The following CAMTA2 variants were observed in gnomAD, a reference collection of about 807,000 sequenced individuals.
The protein encoded by CAMTA2 is calmodulin-binding transcription activator 2.
Under a neutral mutation model 135.7 loss-of-function variants are expected in CAMTA2, and 56 were observed. The ratio of observed to expected loss-of-function variants is 0.41; its 90% CI spans 0.33 to 0.52. The LOEUF is 0.52. CAMTA2 is among the 20% of genes least tolerant of loss of function. CAMTA2 has a pLI of 0.16. For synonymous variants in CAMTA2, 591 were observed against 604.6 expected (o/e 0.98, Z 0.33); for missense variants, 1,358 against 1,553.4 (o/e 0.87, Z 2.11).
In CAMTA2 at chr17:4,969,810, T is replaced by G; in HGVS notation, c.3189+92A>C. 6.3e-7 allele frequency: 1 copy of G among 1,589,696 alleles called. No individual in the cohort carries two copies. Among genetic ancestry groups the G allele is most frequent in the Admixed American group, 1.7e-5 (1 of 59,696 alleles). On this transcript the variant is annotated intron_variant, in intron 18 of 22. Coordinates refer to ENST00000348066, the MANE Select transcript of CAMTA2 (RefSeq NM_015099.4). The surrounding 1 kb of genome is among the most constrained non-coding windows in gnomAD (Gnocchi z 5.6). Reference sequence around the variant, plus strand: ...GACCCTTTACCCCATCCAAGGCCTGTCTGCACGACTACTCATCCTCCAAAA... The same window carrying G: ...GACCCTTTACCCCATCCAAGGCCTGGCTGCACGACTACTCATCCTCCAAAA...
At position 4,968,392 on chromosome 17, in the gene CAMTA2, G is replaced by T. The variant is rs887807618; in HGVS notation, c.*364C>A. On this transcript the variant is annotated 3_prime_UTR_variant, in exon 23 of 23. Transcript: ENST00000348066. ...AGCGAAGGCAGTGGTGGGAACCGAG[G>T]CGGATACATTCAGAGACGCGTCGAA... 2.6e-6 allele frequency: 1 copy of T among 384,716 alleles called. No individual in the cohort carries two copies. Among genetic ancestry groups the T allele is most frequent in the Non-Finnish European group, 4.8e-6 (1 of 207,216 alleles). 23.8% of individuals were successfully genotyped at this position (384,716 alleles called of 1,614,324 possible).
chr17:4,973,062 A>T, intron 14 of CAMTA2, 71 bp from the exon 15 acceptor site: 1 of 1,499,870 alleles, frequency 6.7e-7, no homozygotes, highest in South Asian at 1.1e-5. Context: ...CCAGGTAGTC[A>T]GGTCTTCAGG....
chr17:4,986,521 G>T (rs391548), intron 1 of CAMTA2: 235,824 of 523,886 alleles, frequency 0.45, 57,557 homozygotes, highest in Non-Finnish European at 0.54. Flanking sequence ...GGGTTGGGGT[G>T]GGGGAGCGGG....
rs1424223541 is a variant in CAMTA2, at chr17:4,968,418, CAAAT to C, written c.*334_*337del. On this transcript the variant is annotated 3_prime_UTR_variant, in exon 23 of 23. Coordinates refer to ENST00000348066, the MANE Select transcript of CAMTA2 (RefSeq NM_015099.4). ...CGGATACATTCAGAGACGCGTCGAA[CAAAT>C]AAATAAGGCAAGTCAGGAGGGGGCC... 10 of 448,458 alleles carry C rather than the reference CAAAT, an allele frequency of 2.2e-5. No homozygotes were observed. The highest frequency in any genetic ancestry group is 7.6e-5 in the Admixed American group (2 of 26,484). 27.8% of individuals were successfully genotyped at this position (448,458 alleles called of 1,614,324 possible). A position where few individuals can be genotyped will look rare whatever the true frequency, so the allele number is the denominator to read the frequency against.
At position 4,981,735 on chromosome 17, in the gene CAMTA2, G is replaced by C; in HGVS notation, c.508C>G (p.Arg170Gly). ...CGGGACCACTTCAGCCACTCTCGAC[G>C]GTCGCTGCTGATGGAACAAAAGATG... The part of the protein sequence containing the change: ...SPIFCSISSD[R>G]REWLKWSREE... Residue 170 changes from arginine (R) to glycine (G), a missense_variant, in exon 7 of 23, where the codon CGT becomes GGT. Coordinates refer to ENST00000348066, the MANE Select transcript of CAMTA2 (RefSeq NM_015099.4). The C allele has an allele frequency of 1.2e-6, 2 of 1,613,584 alleles. No individual in the cohort carries two copies. The highest frequency in any genetic ancestry group is 1.7e-6 in the Non-Finnish European group (2 of 1,179,732).
chr17:4,978,482 C>G (rs780547104), intron 10 of CAMTA2, 22 bp downstream of exon 10: 1 of 1,612,414 alleles, frequency 6.2e-7, no homozygotes, highest in Admixed American at 1.7e-5. Context: ...GTCCCTCCCC[C>G]TACGGTTCCC....
chr17:4,982,642 T>G (rs1597773345), intron 5 of CAMTA2, 115 bp downstream of exon 5: 1 of 1,135,196 alleles, frequency 8.8e-7, no homozygotes, highest in Admixed American at 2.4e-5. Flanking sequence ...AAGGGAAGAG[T>G]AACTGGGAGG....
rs1452947571 is a variant in CAMTA2 at position 4,968,714 on chromosome 17, G to A, written c.*42C>T. ...AGAAAGCCCTCTCCCTGTTAAGACT[G>A]CACGAGGCGCCCCCAGGGTGGTGAG... On this transcript the variant is annotated 3_prime_UTR_variant, in exon 23 of 23. Transcript: ENST00000348066. 3 of 1,612,506 alleles carry A rather than the reference G, an allele frequency of 1.9e-6. No homozygotes were observed. The highest frequency in any genetic ancestry group is 1.3e-5 in the African/African-American group (1 of 75,040).
chr17:4,978,144 T>C (rs1597753229), intron 10 of CAMTA2, among the ~76,000 whole-genome samples: 1 of 152,222 alleles, frequency 6.6e-6, no homozygotes, highest in African/African-American at 2.4e-5. Context: ...TCCCCCTGGA[T>C]TGGAGTTGGA....
chr17:4,982,996 C>T lies in CAMTA2; in HGVS notation c.183G>A (p.Leu61=). 6.2e-7 allele frequency: 1 copy of T among 1,614,200 alleles called. No individual in the cohort carries two copies. ...LITFEKHDEW[L]SCAPKTRPQN... ...CTCACCTTGTCTTTGGGGCACAAGA[C>T]AGCCACTCATCATGCTTCTCAAAGG... is the stretch of plus-strand genomic sequence containing the variant. The change falls in exon 4 of 23, where the codon CTG becomes CTA. Residue 61 remains leucine (L), a synonymous_variant. Coordinates refer to ENST00000348066, the MANE Select transcript of CAMTA2 (RefSeq NM_015099.4).
Position 4,980,671 on chromosome 17 carries a change from C to T in CAMTA2, c.701-50G>A, listed in dbSNP as rs1972908975. On this transcript the variant is annotated intron_variant, in intron 8 of 22. Transcript: ENST00000348066. The surrounding 1 kb of genome is among the most constrained non-coding windows in gnomAD (Gnocchi z 5.3). The stretch of plus-strand genomic sequence containing the variant: ...AGAGGAGATAAGACACATCATTCCG[C>T]ACCTTCTCTACCTTGAGGCCCTTAA... 8 of 1,399,700 alleles carry T rather than the reference C, an allele frequency of 5.7e-6. No homozygotes were observed. The East Asian group carries it at 1.6e-4, about 28-fold the overall frequency. The allele number at this position is 1,399,700 out of a possible 1,614,324, so 86.7% of individuals were successfully genotyped here. A position where few individuals can be genotyped will look rare whatever the true frequency, so the allele number is the denominator to read the frequency against.
In CAMTA2 at chr17:4,987,650, C is replaced by A. The variant is rs764871217; in HGVS notation, c.-122G>T. On this transcript the variant is annotated 5_prime_UTR_variant, in exon 1 of 23. Coordinates refer to ENST00000348066, the MANE Select transcript of CAMTA2 (RefSeq NM_015099.4). Reference sequence around the variant, plus strand: ...GCCATTCTACCCCACACCGACCCCCCCCAGCGCCGGCTGACAGCGGCGTCT... The same window carrying A: ...GCCATTCTACCCCACACCGACCCCCACCAGCGCCGGCTGACAGCGGCGTCT... 69 of 1,522,096 alleles carry A rather than the reference C, an allele frequency of 4.5e-5. No homozygotes were observed. The highest frequency in any genetic ancestry group is 7.3e-5 in the South Asian group (6 of 82,512). The allele number at this position is 1,522,096 out of a possible 1,614,324, so 94.3% of individuals were successfully genotyped here.
chr17:4,972,502 C>G lies in CAMTA2; in HGVS notation c.2538G>C (p.Ser846=). The G allele has an allele frequency of 1.2e-6, 2 of 1,609,840 alleles. No homozygotes were observed. The highest frequency in any genetic ancestry group is 1.7e-6 in the Non-Finnish European group (2 of 1,178,386). ...CTGACGTGACGGAAAAGGTGCCATC[C>G]GACAGCTCCGAGGGCGAGGAGACGC... is the stretch of plus-strand genomic sequence containing the variant. ...LSSVSSPSEL[S]DGTFSVTSAY... The change falls in exon 16 of 23, where the codon TCG becomes TCC. Residue 846 remains serine, a synonymous_variant. Coordinates refer to ENST00000348066, the MANE Select transcript of CAMTA2 (RefSeq NM_015099.4).
Position 4,968,151 on chromosome 17 carries a change from TACTCTGTATGTTACAGTATGTACAAG to T in CAMTA2, c.*579_*604del. The T allele has an allele frequency of 5.4e-6, 2 of 372,868 alleles. No homozygotes were observed. The highest frequency in any genetic ancestry group is 1.0e-5 in the Non-Finnish European group (2 of 200,100). 23.1% of individuals were successfully genotyped at this position (372,868 alleles called of 1,614,324 possible). A position where few individuals can be genotyped will look rare whatever the true frequency, so the allele number is the denominator to read the frequency against. ...GGCGCCTTAAATAGATTCTTCACTATACTCTGTATGTTACAGTATGTACAAGACCCCTCCCCTCGGGGGACGGGGCG... is the reference window on the plus strand; with the variant it reads ...GGCGCCTTAAATAGATTCTTCACTATACCCCTCCCCTCGGGGGACGGGGCG... On this transcript the variant is annotated 3_prime_UTR_variant, in exon 23 of 23. Transcript: ENST00000348066.
chr17:4,977,713 TAG>T (rs1972699887), intron 10 of CAMTA2, among the ~76,000 whole-genome samples: 1 of 152,236 alleles, frequency 6.6e-6, no homozygotes, highest in Admixed American at 6.5e-5. Flanking sequence ...GATGCTGCTG[TAG>T]AGACTGGGGG....
rs200795090 is a variant in CAMTA2, at chr17:4,981,232, C to T, written c.693G>A (p.Gly231=). 9.3e-6 allele frequency: 15 copies of T among 1,613,626 alleles called. No homozygotes were observed. The Middle Eastern group carries it at 8.8e-4, about 94-fold the overall frequency. ...APRTHACLCS[G]GLGSGSLTHK... ...GGTCAGGGAGTAACTTACCAAGCCCCCCACTGCAGAGACAGGCGTGGGTTC... is the reference window on the plus strand; with the variant it reads ...GGTCAGGGAGTAACTTACCAAGCCCTCCACTGCAGAGACAGGCGTGGGTTC... The change falls in exon 8 of 23, where the codon GGG becomes GGA. Residue 231 remains glycine, a synonymous_variant. Coordinates refer to ENST00000348066, the MANE Select transcript of CAMTA2 (RefSeq NM_015099.4).
intron 1 of CAMTA2, chr17:4,987,105 G>A: frequency 7.3e-7 from 1 of 1,373,292 alleles, no homozygotes; most frequent in Non-Finnish European, 9.3e-7. Context: ...GTGAAGCTGG[G>A]GTTGGGGTAA....
chr17:4,973,181 G>A lies in CAMTA2; in HGVS notation c.2274C>T (p.Thr758=). 1 of 1,613,144 alleles carries A rather than the reference G, an allele frequency of 6.2e-7. No homozygotes were observed. Among genetic ancestry groups the A allele is most frequent in the Non-Finnish European group, 8.5e-7 (1 of 1,179,390 alleles). Residue 758 remains threonine, a synonymous_variant, in exon 14 of 23, where the codon ACC becomes ACT. Transcript: ENST00000348066. ...DPLNVDHFSC[T]PLMWACALGH... ...AGGAATCCGTCATCCTCACCAGAGG[G>A]GTGCAAGAGAAATGATCCACGTTGA...
chr17:4,980,524 G>A lies in CAMTA2; in HGVS notation c.798C>T (p.His266=), dbSNP rs1597764181. 3 of 1,611,874 alleles carry A rather than the reference G, an allele frequency of 1.9e-6. No individual in the cohort carries two copies. Among genetic ancestry groups the A allele is most frequent in the Non-Finnish European group, 2.5e-6 (3 of 1,178,684 alleles). Residue 266 remains histidine (H), a synonymous_variant, in exon 9 of 23, where the codon CAC becomes CAT. Transcript: ENST00000348066. This position sits in a 1 kb window ranked among gnomAD's most constrained non-coding sequence, Gnocchi z 5.3. ...GTGGAGGAGGCTCTGGGGGGTGAGC[G>A]TGGGGGATAGAGGTCAGGGTTAAAG... The part of the protein sequence containing the change: ...PRALTLTSIP[H]AHPPEPPPLI...
Sources: gnomAD v4.1 joint callset for allele counts (sites outside exome capture counted in the v4.1 genomes callset) on GRCh38, gnomAD v4.1.1 for gene constraint, Gnocchi (gnomAD v3.1) non-coding constraint, MANE v1.5 for transcripts, NCBI Gene and HGNC (gene_info 2026-07-23, HGNC 2026-07-21) for gene names.